The following MAPK8 variants were observed in gnomAD, a reference collection of about 807,000 sequenced individuals.
MAPK8 encodes JUN N-terminal kinase.
A neutral mutation model predicts 52.9 loss-of-function variants in MAPK8; 13 were observed. The ratio of observed to expected loss-of-function variants is 0.25; its 90% CI spans 0.16 to 0.39. MAPK8 has a LOEUF of 0.39. Ranked by LOEUF, MAPK8 falls within the 10% of genes least tolerant of loss-of-function variation. The pLI, the probability that MAPK8 is intolerant of heterozygous loss-of-function variation, is 1.00. For synonymous variants in MAPK8, 191 were observed against 169.8 expected (o/e 1.12, Z -0.97); for missense variants, 300 against 519.2 (o/e 0.58, Z 4.10).
At chr10:48,366,891 T>A (rs1281764937) in intron 1 of MAPK8, among the ~76,000 whole-genome samples, 7 of 151,912 alleles carry the variant, frequency 4.6e-5, no homozygotes, top group Non-Finnish European at 1.0e-4. Flanking sequence ...AAAAAAAAAA[T>A]TGCTTTCTAG....
intron 1 of MAPK8, among the ~76,000 whole-genome samples, chr10:48,392,749 A>G (rs1195973961): frequency 6.6e-6 from 1 of 152,092 alleles, no homozygotes; most frequent in East Asian, 1.9e-4. Context: ...ACTATGCTAT[A>G]TCATATATAC....
intron 5 of MAPK8, among the ~76,000 whole-genome samples, chr10:48,418,740 G>GAT (rs2133171640): frequency 6.6e-6 from 1 of 152,210 alleles, no homozygotes; most frequent in Admixed American, 6.5e-5. Context: ...GGTACATATT[G>GAT]ATATATATGG....
intron 1 of MAPK8, among the ~76,000 whole-genome samples, chr10:48,353,992 A>G (rs1846591155): frequency 6.6e-6 from 1 of 152,202 alleles, no homozygotes; most frequent in Non-Finnish European, 1.5e-5. Flanking sequence ...CACCTGTGAT[A>G]AAGCGATACA....
chr10:48,386,282 G>A (rs897125084), intron 1 of MAPK8, among the ~76,000 whole-genome samples: 2 of 152,138 alleles, frequency 1.3e-5, no homozygotes, highest in Non-Finnish European at 2.9e-5. Flanking sequence ...TTTAACCCAA[G>A]TAGTACACTG....
At chr10:48,400,310 A>G (rs2042096458) in intron 1 of MAPK8, among the ~76,000 whole-genome samples, 1 of 152,144 alleles carries the variant, frequency 6.6e-6, no homozygotes, top group South Asian at 2.1e-4. Context: ...ATCCAAGTCT[A>G]ATTCCTCATT....
intron 6 of MAPK8, among the ~76,000 whole-genome samples, chr10:48,423,669 TAGAG>T (rs749341800): frequency 7.2e-5 from 11 of 152,326 alleles, no homozygotes; most frequent in South Asian, 6.2e-4. Flanking sequence ...GCTTTTTTCT[TAGAG>T]AGTATAATGC....
chr10:48,434,777 C>G (rs977355942), intron 11 of MAPK8, 107 bp from the exon 12 acceptor site: 12 of 967,894 alleles, frequency 1.2e-5, no homozygotes, highest in Non-Finnish European at 1.7e-5. Context: ...AGTGAGCCTT[C>G]GAAACCCAAG....
rs71026206 is a variant in MAPK8, at chr10:48,320,211, C to CTTTTTTTTTTTTTT, written c.-50+13409_-50+13422dup. On this transcript the variant is annotated intron_variant, in intron 1 of 11. Transcript: ENST00000374189. ...TTTCAGGTGTGAGCCACTGCTCGGC[C>CTTTTTTTTTTTTTT]TTTTTTTTTTTTTTTTTTTTTTTTT... Among the ~76,000 whole-genome samples the CTTTTTTTTTTTTTT allele has an allele frequency of 2.5e-4, 9 of 35,320 alleles. 4 individuals are homozygous for CTTTTTTTTTTTTTT. The highest frequency in any genetic ancestry group is 3.2e-4 in the Non-Finnish European group (6 of 18,502). The allele number at this position is 35,320 out of a possible 152,430, so 23.2% of individuals were successfully genotyped here.
At chr10:48,338,745 A>G (rs1844944035) in intron 1 of MAPK8, among the ~76,000 whole-genome samples, 1 of 152,160 alleles carries the variant, frequency 6.6e-6, no homozygotes, top group Non-Finnish European at 1.5e-5. Flanking sequence ...TACAAAATAA[A>G]TGTACAAAAA....
intron 3 of MAPK8, among the ~76,000 whole-genome samples, chr10:48,405,429 T>A (rs1215319686): frequency 6.6e-6 from 1 of 152,206 alleles, no homozygotes; most frequent in Non-Finnish European, 1.5e-5. Context: ...CCCACCTCTT[T>A]AAGTGATGGC....
chr10:48,413,858 T>TATATATATAACA (rs1444968579), intron 5 of MAPK8, among the ~76,000 whole-genome samples: 1 of 133,648 alleles, frequency 7.5e-6, no homozygotes. Flanking sequence ...TATATATATA[T>TATATATATAACA]ATTCAGAAAT....
At chr10:48,361,405 CT>C (rs774694413) in intron 1 of MAPK8, among the ~76,000 whole-genome samples, 5 of 152,140 alleles carry the variant, frequency 3.3e-5, no homozygotes, top group African/African-American at 4.8e-5. Flanking sequence ...CTGTTTTCCA[CT>C]TCCCTTCTCC....
rs377499586 is a variant in MAPK8, at chr10:48,389,766, A to T, written c.-49-11846A>T. ...CATGCTTTCATGGAACTTGGGTTTG[A>T]GTGGGACAGATAATAACCATGTACT... On this transcript the variant is annotated intron_variant, in intron 1 of 11. Transcript: ENST00000374189. 7.9e-5 allele frequency among the ~76,000 whole-genome samples: 12 copies of T among 152,316 alleles called. No individual in the cohort carries two copies. In the East Asian group the frequency reaches 1.7e-3, roughly 22 times the overall value.
intron 1 of MAPK8, among the ~76,000 whole-genome samples, chr10:48,335,268 A>G (rs1844576177): frequency 1.3e-5 from 2 of 152,138 alleles, no homozygotes; most frequent in Non-Finnish European, 2.9e-5. Context: ...GAAGTTTATT[A>G]TGTTTAAATA....
chr10:48,396,534 C>A (rs1352148866), intron 1 of MAPK8, among the ~76,000 whole-genome samples: 1 of 152,084 alleles, frequency 6.6e-6, no homozygotes, highest in Admixed American at 6.6e-5. Flanking sequence ...AAACAGTTTG[C>A]CAGTTTCTTA....
chr10:48,312,049 T>A (rs1366146152), intron 1 of MAPK8, among the ~76,000 whole-genome samples: 1 of 152,208 alleles, frequency 6.6e-6, no homozygotes, highest in Non-Finnish European at 1.5e-5. Flanking sequence ...ATATTGTTAG[T>A]CATTTCATTA....
intron 1 of MAPK8, among the ~76,000 whole-genome samples, chr10:48,331,476 T>C (rs1325067104): frequency 1.3e-5 from 2 of 152,226 alleles, no homozygotes; most frequent in African/African-American, 4.8e-5. Flanking sequence ...CAGTGCACTT[T>C]CCACTGGTCT....
At chr10:48,362,874 G>A (rs1847677426) in intron 1 of MAPK8, among the ~76,000 whole-genome samples, 1 of 150,356 alleles carries the variant, frequency 6.7e-6, no homozygotes, top group Non-Finnish European at 1.5e-5. Context: ...CTGAGTAGCT[G>A]GGATTACAGG....
At position 48,316,904 on chromosome 10, in the gene MAPK8, C is replaced by G. The variant is rs76655267; in HGVS notation, c.-50+10083C>G. 5.9e-5 allele frequency among the ~76,000 whole-genome samples: 9 copies of G among 152,128 alleles called. No individual in the cohort carries two copies. The East Asian group carries it at 1.7e-3, about 29-fold the overall frequency. ...AGCTAGAAACAAAAAGTTAGAACCTCGGGAAAACAAGTATCCAGACTATCC... is the reference window on the plus strand; with the variant it reads ...AGCTAGAAACAAAAAGTTAGAACCTGGGGAAAACAAGTATCCAGACTATCC... On this transcript the variant is annotated intron_variant, in intron 1 of 11. Coordinates refer to ENST00000374189, the MANE Select transcript of MAPK8 (RefSeq NM_001323329.2).
Sources: allele counts gnomAD v4.1 joint callset (sites outside exome capture counted in the v4.1 genomes callset), GRCh38; gene constraint gnomAD v4.1.1; transcripts MANE v1.5; gene names NCBI Gene and HGNC (gene_info 2026-07-23, HGNC 2026-07-21).